CABIN1: variants seen among roughly 807,000 people sequenced by gnomAD.
The protein encoded by CABIN1 is calcineurin-binding protein cabin-1.
Under a neutral mutation model 227.7 loss-of-function variants are expected in CABIN1, and 133 were observed. That is an observed-to-expected ratio of 0.58 (90% CI 0.51 to 0.67). The LOEUF (loss-of-function observed/expected upper bound fraction) is 0.67. Among genes scored for constraint, CABIN1 ranks in the 30% least tolerant of loss-of-function variants. The probability of loss-of-function intolerance (pLI) is 0.00; values close to 1 mark genes in which losing one functional copy is unlikely to be tolerated. For missense variants in CABIN1, 2,408 were observed against 2,852.5 expected, an observed-to-expected ratio of 0.84 and a Z score of 3.55; for synonymous variants, 1,086 against 1,155.1, an observed-to-expected ratio of 0.94 and a Z score of 1.21.
intron 34 of CABIN1, chr22:24,175,866 G>C: frequency 1.7e-6 from 1 of 604,698 alleles, no homozygotes; most frequent in Non-Finnish European, 3.0e-6. Context: ...CAGGTGTATA[G>C]CCCTCTCGGG....
At chr22:24,101,136 C>T (rs919182107) in intron 26 of CABIN1, among the ~76,000 whole-genome samples, 2 of 152,334 alleles carry the variant, frequency 1.3e-5, no homozygotes, top group African/African-American at 2.4e-5. Flanking sequence ...ATTAACTTTC[C>T]AGCAGTGGGA....
At chr22:24,056,483 A>C in intron 10 of CABIN1, 123 bp downstream of exon 10, 1 of 976,508 alleles carries the variant, frequency 1.0e-6, no homozygotes, top group Non-Finnish European at 1.6e-6. Flanking sequence ...TTCCCATAAC[A>C]TCTGTGCAGA....
intron 5 of CABIN1, 32 bp from the exon 6 acceptor site, chr22:24,042,872 G>T (rs1569112547): frequency 7.3e-6 from 10 of 1,371,742 alleles, no homozygotes; most frequent in Non-Finnish European, 1.0e-5. Context: ...GTGTGTGTGT[G>T]TGTGTTTGCC....
chr22:24,064,661 C>T (rs1276272806), intron 15 of CABIN1, among the ~76,000 whole-genome samples: 11 of 151,376 alleles, frequency 7.3e-5, no homozygotes, highest in Admixed American at 2.0e-4. Context: ...GAGGACCCTG[C>T]GGCCTTCCGC....
At chr22:24,070,738 A>T in intron 16 of CABIN1, 62 bp from the exon 17 acceptor site, 2 of 1,612,756 alleles carry the variant, frequency 1.2e-6, no homozygotes, top group Non-Finnish European at 1.7e-6. Context: ...GTCTCTGCTC[A>T]GGCCTTGGGC....
At chr22:24,090,822 G>T (rs1204597829) in intron 23 of CABIN1, among the ~76,000 whole-genome samples, 1 of 152,114 alleles carries the variant, frequency 6.6e-6, no homozygotes, top group Non-Finnish European at 1.5e-5. Context: ...AGAGAGGAGG[G>T]ATCAGAGACC....
chr22:24,063,258 G>A, intron 14 of CABIN1, 112 bp downstream of exon 14: 1 of 1,057,970 alleles, frequency 9.5e-7, no homozygotes, highest in Non-Finnish European at 1.4e-6. Context: ...GTGTGTGTGT[G>A]CATGCATGTG....
At chr22:24,065,205 C>T (rs2039543579) in intron 15 of CABIN1, among the ~76,000 whole-genome samples, 1 of 151,906 alleles carries the variant, frequency 6.6e-6, no homozygotes, top group African/African-American at 2.4e-5. Context: ...CCTCACTTCC[C>T]AGACGGGGCG....
At chr22:24,072,616 T>C in intron 18 of CABIN1, 106 bp downstream of exon 18, 1 of 1,300,912 alleles carries the variant, frequency 7.7e-7, no homozygotes, top group Non-Finnish European at 1.1e-6. Flanking sequence ...TGAGTGGGGC[T>C]CAGTCCTCTC....
chr22:24,084,415 T>C (rs879041704), intron 20 of CABIN1, among the ~76,000 whole-genome samples, 164 bp from the exon 21 acceptor site: 1 of 151,886 alleles, frequency 6.6e-6, no homozygotes, highest in East Asian at 1.9e-4. Flanking sequence ...ATTTTTGTAG[T>C]GCAGATTTTT....
chr22:24,041,126 G>A lies in CABIN1; in HGVS notation c.211-13G>A. The A allele has an allele frequency of 6.2e-7, 1 of 1,614,162 alleles. No homozygotes were observed. Among genetic ancestry groups the A allele is most frequent in the Non-Finnish European group, 8.5e-7 (1 of 1,180,002 alleles). The stretch of plus-strand genomic sequence containing the variant: ...AAGGTCTAGTTGTCACTTCTGTTCT[G>A]TTTTGTTCACAGGCAGTTTCATCCG... On this transcript the variant is annotated splice_polypyrimidine_tract_variant and intron_variant, in intron 4 of 36. Coordinates refer to ENST00000263119, the MANE Select transcript of CABIN1 (RefSeq NM_012295.4).
chr22:24,165,718 C>G, intron 31 of CABIN1, 92 bp downstream of exon 31: 1 of 1,021,638 alleles, frequency 9.8e-7, no homozygotes, highest in Non-Finnish European at 1.5e-6. Context: ...TATTTGCATA[C>G]CCTTAGGCAG....
intron 3 of CABIN1, among the ~76,000 whole-genome samples, chr22:24,036,412 G>A (rs1004548878): frequency 6.6e-6 from 1 of 152,160 alleles, no homozygotes; most frequent in Non-Finnish European, 1.5e-5. Context: ...CAGCCCCCAG[G>A]CCTACTTCCA....
rs1241569657 is a variant in CABIN1 at position 24,166,958 on chromosome 22, C to T, written c.5327C>T (p.Thr1776Ile). The T allele has an allele frequency of 6.9e-6, 11 of 1,593,234 alleles. No homozygotes were observed. In the Admixed American group the frequency reaches 1.9e-4, roughly 28 times the overall value. Residue 1776 changes from threonine to isoleucine, a missense_variant, in exon 32 of 37, where the codon ACA (threonine) becomes ATA (isoleucine). By Grantham distance (89) the Thr-to-Ile change is moderately conservative. Transcript: ENST00000263119. Reference protein sequence around the residue: ...ATVCHSDLERTPPLLPGRPAR... With the variant: ...ATVCHSDLERIPPLLPGRPAR... ...GTTTGCCACTCAGACTTGGAGCGGACACCACCCCTGCTGCCAGGTCGCCCC... is the reference window on the plus strand; with the variant it reads ...GTTTGCCACTCAGACTTGGAGCGGATACCACCCCTGCTGCCAGGTCGCCCC...
At position 24,171,854 on chromosome 22, in the gene CABIN1, C is replaced by T. The variant is rs2046831596; in HGVS notation, c.5899C>T (p.Arg1967Cys). The T allele has an allele frequency of 1.2e-5, 20 of 1,614,136 alleles. No individual in the cohort carries two copies. Among genetic ancestry groups the T allele is most frequent in the African/African-American group, 2.7e-5 (2 of 75,082 alleles). The change falls in exon 34 of 37, where the codon CGC becomes TGC. Residue 1967 changes from arginine to cysteine, a missense_variant. This residue lies in a region of CABIN1 where 714 missense variants were observed against 773.8 expected (regional missense o/e 0.92). Coordinates refer to ENST00000263119, the MANE Select transcript of CABIN1 (RefSeq NM_012295.4). ...GCCCAGTGATGCTCACACCAAGCCT[C>T]GCCCTGCACTAGCTGCCGCCACAAC... ...QRPSDAHTKPRPALAAATTII... is the reference protein window; with the variant it reads ...QRPSDAHTKPCPALAAATTII...
At chr22:24,021,217 A>G (rs1569076705) in intron 1 of CABIN1, among the ~76,000 whole-genome samples, 1 of 151,720 alleles carries the variant, frequency 6.6e-6, no homozygotes, top group Non-Finnish European at 1.5e-5. Flanking sequence ...TGGGGGTCTC[A>G]CTATCTTGCC....
chr22:24,097,617 A>G (rs548136112), intron 25 of CABIN1, among the ~76,000 whole-genome samples: 1 of 152,370 alleles, frequency 6.6e-6, no homozygotes, highest in African/African-American at 2.4e-5. Context: ...ATGTGTGAGC[A>G]TGCAGTAAAT....
chr22:24,097,812 C>T (rs912603975), intron 25 of CABIN1, among the ~76,000 whole-genome samples: 1 of 152,172 alleles, frequency 6.6e-6, no homozygotes, highest in Non-Finnish European at 1.5e-5. Flanking sequence ...AAAGATTAGG[C>T]AGTGTCCAGT....
rs2039021611 is a variant in CABIN1 at position 24,059,253 on chromosome 22, AAG to A, written c.1291_1292del (p.Asp431Ter). The A allele has an allele frequency of 6.2e-7, 1 of 1,614,212 alleles. No individual in the cohort carries two copies. The highest frequency in any genetic ancestry group is 8.5e-7 in the Non-Finnish European group (1 of 1,180,028). ...TTAAGAAAGCTGGACCCTGAGGAGG[AAG>A]ATGATTCCTTTAATAACTATGAAGT... On this transcript the variant is annotated frameshift_variant, in exon 11 of 37. Coordinates refer to ENST00000263119, the MANE Select transcript of CABIN1 (RefSeq NM_012295.4). LOFTEE classifies it high-confidence loss of function.
Sources: allele counts gnomAD v4.1 joint callset (sites outside exome capture counted in the v4.1 genomes callset), GRCh38; gene constraint gnomAD v4.1.1; regional missense constraint gnomAD v4.1.1; transcripts MANE v1.5; gene names NCBI Gene and HGNC (gene_info 2026-07-23, HGNC 2026-07-21).